Variants in CSMD1 observed in about 807,000 individuals in gnomAD.
The protein encoded by CSMD1 is CUB and sushi domain-containing protein 1.
CSMD1 carries 213 observed loss-of-function variants against 417.5 expected under a neutral mutation model. That is an observed-to-expected ratio of 0.51 (90% CI 0.46 to 0.57). The LOEUF (loss-of-function observed/expected upper bound fraction) is 0.57, where lower values mean the gene tolerates loss of function less well. Among genes scored for constraint, CSMD1 ranks in the 20% least tolerant of loss-of-function variants. CSMD1 has a pLI of 0.00. For missense variants in CSMD1, 6,923 were observed against 4,529.7 expected (o/e 1.53, Z -15.17); for synonymous variants, 2,862 against 1,736.8 (o/e 1.65, Z -16.11).
rs1380497374 is a variant in CSMD1 at position 4,265,979 on chromosome 8, C to T, written c.415+153974G>A. Among the ~76,000 whole-genome samples, 2 of 103,920 alleles carry T rather than the reference C, an allele frequency of 1.9e-5. 1 individual carries two copies. The highest frequency in any genetic ancestry group is 5.2e-5 in the Non-Finnish European group (2 of 38,724). The allele number at this position is 103,920 out of a possible 152,430, so 68.2% of individuals were successfully genotyped here. A position where few individuals can be genotyped will look rare whatever the true frequency, so the allele number is the denominator to read the frequency against. On this transcript the variant is annotated intron_variant, in intron 3 of 69. Transcript: ENST00000635120. ...TGGCCCCCACTGTATTCCATGCCTA[C>T]TTTGTGTGCGTTTGGGCTGTGTAAG...
chr8:3,512,571 C>T (rs1205071271), intron 10 of CSMD1, among the ~76,000 whole-genome samples: 4 of 151,270 alleles, frequency 2.6e-5, no homozygotes, highest in Admixed American at 2.0e-4. Flanking sequence ...AATGAACCCT[C>T]TCCTCCAGGA....
At chr8:4,168,128 C>G (rs914528751) in intron 3 of CSMD1, among the ~76,000 whole-genome samples, 6 of 142,936 alleles carry the variant, frequency 4.2e-5, no homozygotes, top group Non-Finnish European at 4.5e-5. Flanking sequence ...GGCTCTGTCT[C>G]AAAAATAAAA....
intron 3 of CSMD1, among the ~76,000 whole-genome samples, chr8:4,270,919 G>GA (rs1804547936): frequency 6.6e-6 from 1 of 152,210 alleles, no homozygotes; most frequent in Middle Eastern, 3.4e-3. Flanking sequence ...TGATCGCTGT[G>GA]AAAAATGAGA....
chr8:3,250,699 T>G (rs2117029406), intron 26 of CSMD1, among the ~76,000 whole-genome samples: 1 of 152,334 alleles, frequency 6.6e-6, no homozygotes, highest in South Asian at 2.1e-4. Context: ...TTCCTATTTC[T>G]CCACATCCTC....
intron 5 of CSMD1, among the ~76,000 whole-genome samples, chr8:3,832,547 G>A (rs1802437273): frequency 1.3e-5 from 2 of 152,040 alleles, no homozygotes; most frequent in South Asian, 4.1e-4. Flanking sequence ...TATTGTATAT[G>A]TCTGAAGCAA....
At chr8:3,963,880 C>T (rs1812497572) in intron 5 of CSMD1, among the ~76,000 whole-genome samples, 1 of 152,192 alleles carries the variant, frequency 6.6e-6, no homozygotes, top group Non-Finnish European at 1.5e-5. Context: ...TAGATGTTAA[C>T]TGACACTCGG....
At chr8:4,513,424 T>C (rs1042875113) in intron 2 of CSMD1, among the ~76,000 whole-genome samples, 2 of 152,192 alleles carry the variant, frequency 1.3e-5, no homozygotes, top group African/African-American at 2.4e-5. Flanking sequence ...ATTCTACTAA[T>C]GATCATGTTC....
intron 37 of CSMD1, among the ~76,000 whole-genome samples, chr8:3,164,953 C>A (rs1056679367): frequency 6.6e-6 from 1 of 151,170 alleles, no homozygotes; most frequent in African/African-American, 2.4e-5. Flanking sequence ...TTCAATTGAT[C>A]CTCTGGGGAA....
chr8:3,564,339 C>G (rs553031239), intron 10 of CSMD1, among the ~76,000 whole-genome samples: 1 of 145,548 alleles, frequency 6.9e-6, no homozygotes, highest in Admixed American at 6.9e-5. Context: ...AATGTTTTGT[C>G]GTCCTCAGTG....
At chr8:4,564,058 C>A (rs1798474105) in intron 2 of CSMD1, among the ~76,000 whole-genome samples, 1 of 152,110 alleles carries the variant, frequency 6.6e-6, no homozygotes, top group Non-Finnish European at 1.5e-5. Context: ...ACATTCCTAG[C>A]ATATCTTAAG....
intron 1 of CSMD1, among the ~76,000 whole-genome samples, chr8:4,670,058 A>G (rs1805198371): frequency 6.6e-6 from 1 of 152,228 alleles, no homozygotes; most frequent in Non-Finnish European, 1.5e-5. Flanking sequence ...GAAACTCTGT[A>G]GAAAGGGAAG....
chr8:3,198,019 A>G (rs568049553), intron 33 of CSMD1, among the ~76,000 whole-genome samples: 3 of 152,214 alleles, frequency 2.0e-5, no homozygotes, highest in Non-Finnish European at 2.9e-5. Flanking sequence ...TAGAGTCGTC[A>G]TATACTCTTG....
intron 5 of CSMD1, among the ~76,000 whole-genome samples, chr8:3,783,086 C>T (rs1372170499): frequency 6.6e-6 from 1 of 152,108 alleles, no homozygotes; most frequent in Non-Finnish European, 1.5e-5. Context: ...CTCCCCATCC[C>T]GTAACCCCCA....
intron 5 of CSMD1, among the ~76,000 whole-genome samples, chr8:3,895,534 T>C (rs1807302020): frequency 6.6e-6 from 1 of 152,132 alleles, no homozygotes; most frequent in African/African-American, 2.4e-5. Context: ...GGAATAAATA[T>C]GATCCTAAAA....
chr8:4,386,694 C>A (rs865991240), intron 3 of CSMD1, among the ~76,000 whole-genome samples: 8 of 152,166 alleles, frequency 5.3e-5, no homozygotes, highest in Non-Finnish European at 8.8e-5. Flanking sequence ...GAATGTATTG[C>A]AGACAAGGAT....
intron 3 of CSMD1, among the ~76,000 whole-genome samples, chr8:4,355,704 A>G (rs1177489068): frequency 6.6e-6 from 1 of 152,196 alleles, no homozygotes; most frequent in Non-Finnish European, 1.5e-5. Flanking sequence ...TCCCACTCCA[A>G]GTTAAGGGTC....
chr8:4,467,611 A>C (rs905191330), intron 2 of CSMD1, among the ~76,000 whole-genome samples: 1 of 152,232 alleles, frequency 6.6e-6, no homozygotes. Flanking sequence ...AGTGCATTAT[A>C]ACAATTCTTT....
chr8:4,584,946 C>G (rs1415934154), intron 2 of CSMD1, among the ~76,000 whole-genome samples: 1 of 152,118 alleles, frequency 6.6e-6, no homozygotes, highest in South Asian at 2.1e-4. Context: ...CCCAGTCTAA[C>G]TGCCTGCCAG....
At chr8:3,226,960 A>C (rs1472144316) in intron 27 of CSMD1, among the ~76,000 whole-genome samples, 1 of 152,204 alleles carries the variant, frequency 6.6e-6, no homozygotes, top group African/African-American at 2.4e-5. Context: ...CGACCTTATT[A>C]TTAATTTAAA....
Sources: allele counts gnomAD v4.1 joint callset (sites outside exome capture counted in the v4.1 genomes callset), GRCh38; gene constraint gnomAD v4.1.1; transcripts MANE v1.5; gene names NCBI Gene and HGNC (gene_info 2026-07-23, HGNC 2026-07-21).